SUGCT: variants seen among roughly 807,000 people sequenced by gnomAD.
The protein encoded by SUGCT is succinyl-CoA:glutarate CoA-transferase.
A neutral mutation model predicts 55.0 loss-of-function variants in SUGCT; 41 were observed. The observed-to-expected ratio is 0.74, with a 90% CI of 0.58 to 0.97. The LOEUF (loss-of-function observed/expected upper bound fraction) is 0.97. SUGCT is among the 50% of genes least tolerant of loss of function. The probability of loss-of-function intolerance (pLI) is 0.00; values close to 1 mark genes in which losing one functional copy is unlikely to be tolerated. For synonymous variants in SUGCT, 187 were observed against 200.4 expected (o/e 0.93, Z 0.56); for missense variants, 568 against 547.8 (o/e 1.04, Z -0.37).
At chr7:40,620,411 CT>C (rs896416194) in intron 12 of SUGCT, among the ~76,000 whole-genome samples, 86 of 149,746 alleles carry the variant, frequency 5.7e-4, no homozygotes, top group Admixed American at 3.5e-3. Context: ...ATTTGGATCA[CT>C]TTTTTTTTTG....
At chr7:40,900,535 C>T in the SUGCT span, among the ~76,000 whole-genome samples, 1 of 152,228 alleles carries the variant, frequency 6.6e-6, no homozygotes, top group Non-Finnish European at 1.5e-5. Flanking sequence ...AAAGTTCATT[C>T]CACAGATCTG....
chr7:40,348,448 C>T (rs537282361), intron 9 of SUGCT, among the ~76,000 whole-genome samples: 1 of 152,142 alleles, frequency 6.6e-6, no homozygotes, highest in Non-Finnish European at 1.5e-5. Flanking sequence ...AGAATCCAGT[C>T]CTTCCTAGGG....
the SUGCT span, among the ~76,000 whole-genome samples, chr7:41,022,425 A>G: frequency 6.6e-6 from 1 of 152,204 alleles, no homozygotes; most frequent in Non-Finnish European, 1.5e-5. Context: ...TTTCTTCTTT[A>G]AAGATGCTTA....
intron 13 of SUGCT, among the ~76,000 whole-genome samples, chr7:40,776,370 C>CT (rs1490670321): frequency 1.3e-5 from 2 of 152,016 alleles, no homozygotes; most frequent in Non-Finnish European, 2.9e-5. Flanking sequence ...TTGTTGGTGT[C>CT]TTTTTTTGTT....
chr7:40,998,799 C>A, the SUGCT span, among the ~76,000 whole-genome samples: 1 of 152,208 alleles, frequency 6.6e-6, no homozygotes, highest in African/African-American at 2.4e-5. Flanking sequence ...AAGCAAGTTC[C>A]TTTTCACTGC....
rs759541390 is a variant in SUGCT at position 40,449,350 on chromosome 7, G to A, written c.880G>A (p.Val294Ile). Residue 294 changes from valine (V) to isoleucine (I), a missense_variant, in exon 10 of 14, where the codon GTC becomes ATC. Physicochemically the swap from Val to Ile is conservative, Grantham distance 29 (BLOSUM62 3). Coordinates refer to ENST00000335693, the MANE Select transcript of SUGCT (RefSeq NM_001193313.2). Reference protein sequence around the residue: ...GAGNNQQFATVCKILDLPELI... With the variant: ...GAGNNQQFATICKILDLPELI... ...AGGAAATAACCAGCAGTTTGCCACC[G>A]TCTGCAAGGTAATCTATAATTATTG... is the stretch of plus-strand genomic sequence containing the variant. 13 of 1,609,132 alleles carry A rather than the reference G, an allele frequency of 8.1e-6. No individual in the cohort carries two copies. Among genetic ancestry groups the A allele is most frequent in the Admixed American group, 5.0e-5 (3 of 59,824 alleles).
intron 9 of SUGCT, among the ~76,000 whole-genome samples, chr7:40,430,283 A>G (rs749652684): frequency 1.3e-5 from 2 of 152,196 alleles, no homozygotes; most frequent in Non-Finnish European, 2.9e-5. Flanking sequence ...TATTTTCACC[A>G]ATGGTATACA....
At chr7:40,288,286 G>A (rs1044089116) in intron 8 of SUGCT, among the ~76,000 whole-genome samples, 2 of 151,546 alleles carry the variant, frequency 1.3e-5, no homozygotes, top group Admixed American at 1.3e-4. Context: ...ATTCATCATT[G>A]AAGCTTAAAA....
intron 7 of SUGCT, among the ~76,000 whole-genome samples, chr7:40,271,909 C>T (rs866498178): frequency 2.0e-5 from 3 of 151,756 alleles, no homozygotes; most frequent in Non-Finnish European, 4.4e-5. Context: ...TTAGCTTCCA[C>T]ATCTGAGTCA....
chr7:40,939,478 T>C, the SUGCT span, among the ~76,000 whole-genome samples: 1 of 152,180 alleles, frequency 6.6e-6, no homozygotes. Context: ...TATACTGTTT[T>C]CCATAAAGGG....
At chr7:40,274,402 C>A in intron 7 of SUGCT, 111 bp from the exon 8 acceptor site, 2 of 1,137,724 alleles carry the variant, frequency 1.8e-6, no homozygotes, top group Non-Finnish European at 1.2e-6. Context: ...TATGTGTCTG[C>A]ACAGTTAATA....
chr7:40,881,677 C>T, the SUGCT span, among the ~76,000 whole-genome samples: 2 of 152,180 alleles, frequency 1.3e-5, no homozygotes, highest in Admixed American at 6.5e-5. Flanking sequence ...AATCTCTTTT[C>T]CAGATCTCAG....
At chr7:40,998,661 GC>G in the SUGCT span, among the ~76,000 whole-genome samples, 1 of 152,166 alleles carries the variant, frequency 6.6e-6, no homozygotes, top group Non-Finnish European at 1.5e-5. Flanking sequence ...CCTAGGTAAA[GC>G]CTAGAGTATT....
At chr7:40,376,199 A>C (rs1280791422) in intron 9 of SUGCT, among the ~76,000 whole-genome samples, 2 of 152,176 alleles carry the variant, frequency 1.3e-5, no homozygotes, top group Non-Finnish European at 2.9e-5. Context: ...GTCCTTTTTC[A>C]ATTCCTTTCA....
At chr7:40,939,606 T>G in the SUGCT span, among the ~76,000 whole-genome samples, 2 of 152,320 alleles carry the variant, frequency 1.3e-5, no homozygotes, top group Admixed American at 1.3e-4. Context: ...GGTATGTCAT[T>G]GTGGTTTTAA....
chr7:40,187,759 C>A (rs1187046485), intron 3 of SUGCT, among the ~76,000 whole-genome samples: 1 of 152,130 alleles, frequency 6.6e-6, no homozygotes, highest in East Asian at 1.9e-4. Context: ...TATTGTGAAA[C>A]CCTGTCTCTA....
At chr7:40,234,813 G>T (rs969530912) in intron 6 of SUGCT, among the ~76,000 whole-genome samples, 1 of 152,076 alleles carries the variant, frequency 6.6e-6, no homozygotes, top group African/African-American at 2.4e-5. Flanking sequence ...GGAGGCTGAG[G>T]GGGGAGAATT....
intron 13 of SUGCT, among the ~76,000 whole-genome samples, chr7:40,832,969 G>A (rs1010526141): frequency 1.3e-5 from 2 of 151,658 alleles, no homozygotes; most frequent in Non-Finnish European, 2.9e-5. Context: ...TCACTGTGCC[G>A]GGCCTCTTCC....
At chr7:40,617,852 T>G in intron 12 of SUGCT, among the ~76,000 whole-genome samples, 1 of 152,204 alleles carries the variant, frequency 6.6e-6, no homozygotes, top group East Asian at 1.9e-4. Context: ...TTGTACTGAT[T>G]GTTCAACATC....
Sources: allele counts gnomAD v4.1 joint callset (sites outside exome capture counted in the v4.1 genomes callset), GRCh38; gene constraint gnomAD v4.1.1; transcripts MANE v1.5; gene names NCBI Gene and HGNC (gene_info 2026-07-23, HGNC 2026-07-21).